The following APOBEC3G variants were observed in gnomAD, a reference collection of about 807,000 sequenced individuals.
The protein encoded by APOBEC3G is apolipoprotein B mRNA editing enzyme catalytic subunit 3G.
In APOBEC3G, 44 loss-of-function variants were observed where a neutral mutation model predicts 50.0. That is an observed-to-expected ratio of 0.88 (90% confidence interval 0.69 to 1.13). The LOEUF (loss-of-function observed/expected upper bound fraction) is 1.13, where lower values mean the gene tolerates loss of function less well. Among genes scored for constraint, APOBEC3G ranks in the 50% most tolerant of loss-of-function variants. The probability of loss-of-function intolerance (pLI) is 0.00; values close to 1 mark genes in which losing one functional copy is unlikely to be tolerated. For synonymous variants in APOBEC3G, 156 were observed against 175.3 expected (o/e 0.89, Z 0.87); for missense variants, 469 against 492.0 (o/e 0.95, Z 0.44).
In APOBEC3G at chr22:39,081,649, C is replaced by T. The variant is rs566666763; in HGVS notation, c.581+64C>T. 15 of 1,355,368 alleles carry T rather than the reference C, an allele frequency of 1.1e-5. No individual in the cohort carries two copies. The South Asian group carries it at 1.6e-4, about 14-fold the overall frequency. 84.0% of individuals were successfully genotyped at this position (1,355,368 alleles called of 1,614,324 possible). On this transcript the variant is annotated intron_variant, in intron 4 of 7. Transcript: ENST00000407997. The stretch of plus-strand genomic sequence containing the variant: ...CACCTCCTGCTCATCCTCTTGAGGC[C>T]TCCCCTCTGTTCCAGACCAGGTCCT...
At position 39,086,584 on chromosome 22, in the gene APOBEC3G, G is replaced by C. The variant is rs775549186; in HGVS notation, c.1024+17G>C. The C allele has an allele frequency of 3.2e-6, 5 of 1,576,422 alleles. No homozygotes were observed. The South Asian group carries it at 5.8e-5, about 18-fold the overall frequency. On this transcript the variant is annotated intron_variant, in intron 6 of 7. Transcript: ENST00000407997. ...CATACAGTGGTGAGAATGGAAGCCT[G>C]GAGTAGGATGGGGTCAGCCAGGGCA...
At chr22:39,078,058 A>G (rs1928239872) in intron 1 of APOBEC3G, among the ~76,000 whole-genome samples, 1 of 152,182 alleles carries the variant, frequency 6.6e-6, no homozygotes, top group Non-Finnish European at 1.5e-5. Context: ...TCAGGAGTTC[A>G]AGACCAGCCT....
chr22:39,082,934 C>G (rs1174952666), intron 4 of APOBEC3G: 1 of 152,942 alleles, frequency 6.5e-6, no homozygotes, highest in Non-Finnish European at 1.5e-5. Context: ...GGCTCCCCTG[C>G]TCCCCCACTC....
At chr22:39,083,698 C>G in intron 4 of APOBEC3G, 33 bp from the exon 5 acceptor site, 3 of 1,609,646 alleles carry the variant, frequency 1.9e-6, no homozygotes, top group Non-Finnish European at 2.5e-6. Context: ...CAGGAGGGCT[C>G]TTACTCCTCT....
At chr22:39,084,221 A>G (rs576710878) in intron 5 of APOBEC3G, among the ~76,000 whole-genome samples, 192 of 152,252 alleles carry the variant, frequency 1.3e-3, no homozygotes, top group African/African-American at 4.5e-3. Context: ...ACCAGGGCCA[A>G]GTGGGATCAA....
At chr22:39,077,661 G>C (rs1336953542) in intron 1 of APOBEC3G, among the ~76,000 whole-genome samples, 1 of 152,258 alleles carries the variant, frequency 6.6e-6, no homozygotes. Flanking sequence ...CCGGCCCTGG[G>C]AGGGTGCTCC....
rs370524223 is a variant in APOBEC3G at position 39,087,448 on chromosome 22, G to A, written c.*27G>A. ...GGATGGGCCTCAGTCTCTAAGGAAG[G>A]CAGAGACCTGGGTTGAGCCTCAGAA... On this transcript the variant is annotated 3_prime_UTR_variant, in exon 8 of 8. Transcript: ENST00000407997. The A allele has an allele frequency of 1.9e-6, 3 of 1,613,920 alleles. No individual in the cohort carries two copies. Among genetic ancestry groups the A allele is most frequent in the East Asian group, 2.2e-5 (1 of 44,886 alleles).
rs572376676 is a variant in APOBEC3G, at chr22:39,078,772, G to A, written c.18-160G>A. On this transcript the variant is annotated intron_variant, in intron 1 of 7. Transcript: ENST00000407997. ...TTGTCGCCCAGGCTGGAGTGTAGTG[G>A]CGCGATCTTGGCTCACTACAGTCTC... The A allele has an allele frequency of 3.4e-5, 32 of 954,120 alleles. 2 individuals are homozygous for A. In the South Asian group the frequency reaches 6.0e-4, roughly 18 times the overall value. The allele number at this position is 954,120 out of a possible 1,614,324, so 59.1% of individuals were successfully genotyped here.
rs528164761 is a variant in APOBEC3G at position 39,085,418 on chromosome 22, G to A, written c.736-861G>A. Among the ~76,000 whole-genome samples the A allele has an allele frequency of 2.2e-4, 34 of 152,290 alleles. 1 individual carries two copies. The South Asian group carries it at 5.2e-3, about 23-fold the overall frequency. On this transcript the variant is annotated intron_variant, in intron 5 of 7. Coordinates refer to ENST00000407997, the MANE Select transcript of APOBEC3G (RefSeq NM_021822.4). The stretch of plus-strand genomic sequence containing the variant: ...CAGCCTCCCCATGAGGGAAGCACAC[G>A]CAGCTCAGTGGCATCTGTCCTCCCT...
chr22:39,086,478 C>T lies in APOBEC3G; in HGVS notation c.935C>T (p.Ala312Val), dbSNP rs1391807732. The change falls in exon 6 of 8, where the codon GCC becomes GTC. Residue 312 changes from alanine (A) to valine (V), a missense_variant. Ala to Val is a moderately conservative substitution (Grantham distance 64). Coordinates refer to ENST00000407997, the MANE Select transcript of APOBEC3G (RefSeq NM_021822.4). ...CACGTGAGCCTGTGCATCTTCACTGCCCGCATCTATGATGATCAAGGAAGA... is the reference window on the plus strand; with the variant it reads ...CACGTGAGCCTGTGCATCTTCACTGTCCGCATCTATGATGATCAAGGAAGA... ...NKHVSLCIFTARIYDDQGRCQ... is the reference protein window; with the variant it reads ...NKHVSLCIFTVRIYDDQGRCQ... The T allele has an allele frequency of 5.0e-6, 8 of 1,614,070 alleles. No individual in the cohort carries two copies. The highest frequency in any genetic ancestry group is 5.9e-6 in the Non-Finnish European group (7 of 1,180,044).
intron 5 of APOBEC3G, among the ~76,000 whole-genome samples, chr22:39,085,489 G>C (rs1419222169): frequency 6.6e-6 from 1 of 152,158 alleles, no homozygotes; most frequent in East Asian, 1.9e-4. Context: ...GCGGAGTGAG[G>C]GTCCTGAAGG....
chr22:39,078,908 C>T (rs776540179), intron 1 of APOBEC3G, 24 bp from the exon 2 acceptor site: 2 of 1,612,596 alleles, frequency 1.2e-6, no homozygotes, highest in Non-Finnish European at 1.7e-6. Flanking sequence ...TCTACATTGG[C>T]TGGTTTCTCT....
chr22:39,084,976 A>G (rs1928630502), intron 5 of APOBEC3G, among the ~76,000 whole-genome samples: 1 of 152,000 alleles, frequency 6.6e-6, no homozygotes, highest in African/African-American at 2.4e-5. Context: ...GGGCCCACAC[A>G]CACTGCTTGG....
At chr22:39,080,234 G>T in intron 2 of APOBEC3G, 1 of 792,348 alleles carries the variant, frequency 1.3e-6, no homozygotes. Flanking sequence ...CCACAGTAGG[G>T]GCTGAGGATG....
At chr22:39,081,993 C>G (rs748587128) in intron 4 of APOBEC3G, 1 of 171,772 alleles carries the variant, frequency 5.8e-6, no homozygotes, top group Non-Finnish European at 1.3e-5. Context: ...CCAACCTGAG[C>G]CCCTGAGAAG....
intron 4 of APOBEC3G, 59 bp downstream of exon 4, chr22:39,081,644 G>C: frequency 7.1e-7 from 1 of 1,401,192 alleles, no homozygotes; most frequent in Non-Finnish European, 1.0e-6. Flanking sequence ...TCATCCTCTT[G>C]AGGCCTCCCC....
At position 39,079,065 on chromosome 22, in the gene APOBEC3G, G is replaced by T; in HGVS notation, c.151G>T (p.Ala51Ser). Residue 51 changes from alanine (A) to serine (S), a missense_variant, in exon 2 of 8, where the codon GCA (alanine) becomes TCA (serine). Ala to Ser is a moderately conservative substitution (Grantham distance 99). Transcript: ENST00000407997. ...GGGTCCCTCAAGGCCCCCTTTGGAC[G>T]CAAAGATCTTTCGAGGCCAGGTACC... is the stretch of plus-strand genomic sequence containing the variant. ...TKGPSRPPLDAKIFRGQVYSE... is the reference protein window; with the variant it reads ...TKGPSRPPLDSKIFRGQVYSE... The T allele has an allele frequency of 1.9e-6, 3 of 1,614,072 alleles. No individual in the cohort carries two copies. The highest frequency in any genetic ancestry group is 1.7e-6 in the Non-Finnish European group (2 of 1,179,978).
chr22:39,084,478 G>A (rs1286445304), intron 5 of APOBEC3G, among the ~76,000 whole-genome samples: 1 of 151,840 alleles, frequency 6.6e-6, no homozygotes, highest in Non-Finnish European at 1.5e-5. Flanking sequence ...AGTGAGCCAA[G>A]ATCGTGCCAC....
chr22:39,083,687 C>A, intron 4 of APOBEC3G, 44 bp from the exon 5 acceptor site: 1 of 1,603,642 alleles, frequency 6.2e-7, no homozygotes. Flanking sequence ...GTGGGACAGA[C>A]CAGGAGGGCT....
Sources: allele counts gnomAD v4.1 joint callset (sites outside exome capture counted in the v4.1 genomes callset), GRCh38; gene constraint gnomAD v4.1.1; transcripts MANE v1.5; gene names NCBI Gene and HGNC (gene_info 2026-07-23, HGNC 2026-07-21).